The following ARID5B variants were observed in gnomAD, a reference collection of about 807,000 sequenced individuals.
The protein encoded by ARID5B is AT-rich interaction domain 5B, also known as AT-rich interactive domain-containing protein 5B.
Under a neutral mutation model 97.2 loss-of-function variants are expected in ARID5B, and 13 were observed. That is an observed-to-expected ratio of 0.13 (90% CI 0.09 to 0.21). The LOEUF is 0.21. Ranked by LOEUF, ARID5B falls within the 10% of genes least tolerant of loss-of-function variation. ARID5B has a pLI of 1.00. For synonymous variants in ARID5B, 556 were observed against 570.3 expected (o/e 0.97, Z 0.36); for missense variants, 1,210 against 1,465.3 (o/e 0.83, Z 2.84).
At chr10:61,997,662 T>A (rs551005179) in intron 3 of ARID5B, among the ~76,000 whole-genome samples, 1 of 152,272 alleles carries the variant, frequency 6.6e-6, no homozygotes, top group East Asian at 1.9e-4. Flanking sequence ...GGAGATGGTG[T>A]TAAGTGCTAT....
chr10:62,057,338 T>C lies in ARID5B; in HGVS notation c.1048+20T>C. ...AACAGAGTGAGTATACTTGTTTTCGTTTCTGAATTATCAGAGCTGCTCAGA... is the reference window on the plus strand; with the variant it reads ...AACAGAGTGAGTATACTTGTTTTCGCTTCTGAATTATCAGAGCTGCTCAGA... On this transcript the variant is annotated intron_variant, in intron 6 of 9. Coordinates refer to ENST00000279873, the MANE Select transcript of ARID5B (RefSeq NM_032199.3). The C allele has an allele frequency of 6.2e-7, 1 of 1,604,078 alleles. No individual in the cohort carries two copies. The highest frequency in any genetic ancestry group is 8.5e-7 in the Non-Finnish European group (1 of 1,174,172).
Position 62,000,113 on chromosome 10 carries a change from C to G in ARID5B, c.525C>G (p.Asn175Lys), listed in dbSNP as rs774347986. The G allele has an allele frequency of 6.2e-7, 1 of 1,613,882 alleles. No individual in the cohort carries two copies. The part of the protein sequence containing the change: ...ADLGEDEEET[N>K]VIVLSYPQYC... ...TAGGGGAGGACGAGGAAGAAACGAA[C>G]GTGATAGTTCTCAGCTACCCCCAGT... is the stretch of plus-strand genomic sequence containing the variant. Residue 175 changes from asparagine (N) to lysine (K), a missense_variant, in exon 4 of 10, where the codon AAC becomes AAG. Physicochemically the swap from Asn to Lys is moderately conservative, Grantham distance 94. Around this residue, in one of 8 missense-constraint regions of ARID5B, gnomAD observed 82 missense variants for 79.3 expected, o/e 1.03. Coordinates refer to ENST00000279873, the MANE Select transcript of ARID5B (RefSeq NM_032199.3). The surrounding 1 kb of genome is among the most constrained non-coding windows in gnomAD (Gnocchi z 4.4).
In ARID5B at chr10:62,094,686, T is replaced by G. The variant is rs1038621948; in HGVS notation, c.*1656T>G. The G allele has an allele frequency of 8.6e-6, 2 of 231,220 alleles. No homozygotes were observed. Among genetic ancestry groups the G allele is most frequent in the South Asian group, 3.6e-4 (2 of 5,512 alleles). 14.3% of individuals were successfully genotyped at this position (231,220 alleles called of 1,614,324 possible). On this transcript the variant is annotated 3_prime_UTR_variant, in exon 10 of 10. Coordinates refer to ENST00000279873, the MANE Select transcript of ARID5B (RefSeq NM_032199.3). ...GGACACATTTTCTAACTGTATTAAT[T>G]AAAAGTCAATGGATACAGAGAGTGG...
At chr10:61,984,457 C>T (rs188386891) in intron 3 of ARID5B, among the ~76,000 whole-genome samples, 156 of 152,340 alleles carry the variant, frequency 1.0e-3, no homozygotes, top group African/African-American at 3.6e-3. Flanking sequence ...TCAGATGCTG[C>T]TTGCATGGTC....
intron 3 of ARID5B, among the ~76,000 whole-genome samples, chr10:61,998,209 C>T (rs748048406): frequency 6.6e-5 from 10 of 152,238 alleles, no homozygotes; most frequent in Non-Finnish European, 1.2e-4. Flanking sequence ...GAAAAGGTCA[C>T]ATGCACACCT....
intron 3 of ARID5B, among the ~76,000 whole-genome samples, chr10:61,996,423 A>G (rs1047933751): frequency 2.6e-5 from 4 of 152,136 alleles, no homozygotes; most frequent in Non-Finnish European, 4.4e-5. Context: ...GAGTTCAAAG[A>G]TTGGGTTATA....
At chr10:61,967,998 T>C (rs1322584311) in intron 3 of ARID5B, among the ~76,000 whole-genome samples, 1 of 151,848 alleles carries the variant, frequency 6.6e-6, no homozygotes, top group Non-Finnish European at 1.5e-5. Context: ...CCAGGCTCCA[T>C]TAAGCCTTGG....
intron 4 of ARID5B, among the ~76,000 whole-genome samples, chr10:62,027,073 G>T (rs912794850): frequency 6.6e-6 from 1 of 151,964 alleles, no homozygotes; most frequent in African/African-American, 2.4e-5. Context: ...TTGACAGGAC[G>T]GGCAGCCAGG....
intron 4 of ARID5B, among the ~76,000 whole-genome samples, chr10:62,011,810 G>A (rs1839220780): frequency 6.6e-6 from 1 of 152,162 alleles, no homozygotes; most frequent in African/African-American, 2.4e-5. Context: ...TGAAGCTAAG[G>A]GGAAACCACA....
chr10:62,015,999 G>A lies in ARID5B; in HGVS notation c.733+15678G>A, dbSNP rs553527352. Among the ~76,000 whole-genome samples the A allele has an allele frequency of 4.6e-5, 7 of 152,330 alleles. No homozygotes were observed. In the South Asian group the frequency reaches 1.4e-3, roughly 32 times the overall value. ...GTGGAGCACTTGCCGTAGGTGAATT[G>A]TTCGACTAAGACTCAGAGGATGGTG... is the stretch of plus-strand genomic sequence containing the variant. On this transcript the variant is annotated intron_variant, in intron 4 of 9. Transcript: ENST00000279873.
intron 3 of ARID5B, among the ~76,000 whole-genome samples, chr10:61,941,537 G>T (rs1477063525): frequency 2.0e-5 from 3 of 150,596 alleles, no homozygotes; most frequent in African/African-American, 7.3e-5. Flanking sequence ...TTTAAACCCA[G>T]AACTTAACTA....
At chr10:62,047,789 G>A (rs1346231937) in intron 4 of ARID5B, among the ~76,000 whole-genome samples, 1 of 152,158 alleles carries the variant, frequency 6.6e-6, no homozygotes, top group Non-Finnish European at 1.5e-5. Context: ...ACTCTAGAGG[G>A]ACAAAGATGT....
At position 61,941,729 on chromosome 10, in the gene ARID5B, A is replaced by G. The variant is rs542382316; in HGVS notation, c.502+1321A>G. Among the ~76,000 whole-genome samples the G allele has an allele frequency of 3.3e-5, 5 of 152,264 alleles. No individual in the cohort carries two copies. The South Asian group carries it at 1.0e-3, about 32-fold the overall frequency. On this transcript the variant is annotated intron_variant, in intron 3 of 9. Transcript: ENST00000279873. The stretch of plus-strand genomic sequence containing the variant: ...ACGGTTTCCTGGCATCTTTTGGTTG[A>G]TGTCAGACAGTAACATTTTAGATAT...
At chr10:62,010,787 T>C (rs1009428782) in intron 4 of ARID5B, among the ~76,000 whole-genome samples, 5 of 152,182 alleles carry the variant, frequency 3.3e-5, no homozygotes, top group Admixed American at 3.3e-4. Context: ...TCAGGACAAA[T>C]GGTAGCCTGT....
At chr10:61,924,828 G>A (rs1844074278) in intron 2 of ARID5B, among the ~76,000 whole-genome samples, 1 of 152,118 alleles carries the variant, frequency 6.6e-6, no homozygotes, top group Non-Finnish European at 1.5e-5. Context: ...AGGGGCCAAG[G>A]GTTTTCTTCT....
At chr10:61,948,988 G>A (rs12359839) in intron 3 of ARID5B, among the ~76,000 whole-genome samples, 9,482 of 152,292 alleles carry the variant, frequency 0.062, 375 homozygotes, top group South Asian at 0.12. Context: ...ATTAAGTGTA[G>A]ACTAGTATCT....
intron 3 of ARID5B, among the ~76,000 whole-genome samples, chr10:61,966,267 C>G (rs1838544071): frequency 1.3e-5 from 2 of 152,060 alleles, no homozygotes; most frequent in African/African-American, 4.8e-5. Context: ...ATACTGATTT[C>G]AGAAAGTTAA....
chr10:61,909,568 A>C (rs1157944181), intron 2 of ARID5B, among the ~76,000 whole-genome samples: 2 of 151,342 alleles, frequency 1.3e-5, no homozygotes, highest in African/African-American at 4.9e-5. Context: ...CTCGTGATCC[A>C]CCCGCCTTGG....
rs180919412 is a variant in ARID5B, at chr10:61,910,630, C to A, written c.276+8217C>A. Reference sequence around the variant, plus strand: ...AGCCCTCCAGCATACATCCCTCATGCCCTGGACTATGAGCATCAGTATCGA... The same window carrying A: ...AGCCCTCCAGCATACATCCCTCATGACCTGGACTATGAGCATCAGTATCGA... On this transcript the variant is annotated intron_variant, in intron 2 of 9. Transcript: ENST00000279873. Among the ~76,000 whole-genome samples, 239 of 152,240 alleles carry A rather than the reference C, an allele frequency of 1.6e-3. 1 individual carries two copies. Among genetic ancestry groups the A allele is most frequent in the African/African-American group, 5.5e-3 (228 of 41,550 alleles).
Sources: allele counts gnomAD v4.1 joint callset (sites outside exome capture counted in the v4.1 genomes callset), GRCh38; gene constraint gnomAD v4.1.1; regional missense constraint gnomAD v4.1.1; non-coding constraint Gnocchi (gnomAD v3.1); transcripts MANE v1.5; gene names NCBI Gene and HGNC (gene_info 2026-07-23, HGNC 2026-07-21).